OXR1: variants seen among roughly 807,000 people sequenced by gnomAD.
The protein encoded by OXR1 is oxidation resistance 1.
In OXR1, 41 loss-of-function variants were observed where a neutral mutation model predicts 104.6. The observed-to-expected ratio is 0.39, with a 90% CI of 0.31 to 0.51. The LOEUF is 0.51. Ranked by LOEUF, OXR1 falls within the 20% of genes least tolerant of loss-of-function variation. The pLI is 0.77. For synonymous variants in OXR1, 348 were observed against 348.4 expected, an observed-to-expected ratio of 1.00 and a Z score of 0.01; for missense variants, 955 against 1,031.9, an observed-to-expected ratio of 0.93 and a Z score of 1.02.
At chr8:106,608,999 C>G (rs915150221) in intron 3 of OXR1, among the ~76,000 whole-genome samples, 1 of 152,138 alleles carries the variant, frequency 6.6e-6, no homozygotes, top group African/African-American at 2.4e-5. Context: ...GTAGAATGAA[C>G]TTTGTTCCCC....
At chr8:106,512,272 G>T (rs1465510750) in intron 2 of OXR1, among the ~76,000 whole-genome samples, 2 of 152,098 alleles carry the variant, frequency 1.3e-5, no homozygotes, top group East Asian at 3.9e-4. Context: ...AGTCTTAAAT[G>T]CTATTCTGTT....
intron 1 of OXR1, among the ~76,000 whole-genome samples, chr8:106,329,963 CTT>C (rs1336626516): frequency 6.6e-6 from 1 of 151,894 alleles, no homozygotes; most frequent in Admixed American, 6.6e-5. Flanking sequence ...AAATACTAAA[CTT>C]TAAATGAATG....
At chr8:106,498,396 G>A (rs1426852265) in intron 2 of OXR1, among the ~76,000 whole-genome samples, 2 of 152,026 alleles carry the variant, frequency 1.3e-5, no homozygotes, top group Admixed American at 6.6e-5. Context: ...AATATATGGA[G>A]GGAAATATTA....
chr8:106,637,489 A>G (rs1204113257), intron 3 of OXR1, among the ~76,000 whole-genome samples: 1 of 152,202 alleles, frequency 6.6e-6, no homozygotes, highest in African/African-American at 2.4e-5. Flanking sequence ...GATGTTACAG[A>G]TAGTTCAAAG....
At chr8:106,425,556 T>C (rs1469713722) in intron 2 of OXR1, among the ~76,000 whole-genome samples, 1 of 152,202 alleles carries the variant, frequency 6.6e-6, no homozygotes, top group East Asian at 1.9e-4. Context: ...TTATTGGTCT[T>C]GTTTCTTTCA....
chr8:106,421,226 T>G lies in OXR1; in HGVS notation c.23+61590T>G, dbSNP rs189254854. Among the ~76,000 whole-genome samples, 31 of 152,234 alleles carry G rather than the reference T, an allele frequency of 2.0e-4. No homozygotes were observed. The East Asian group carries it at 5.8e-3, about 28-fold the overall frequency. On this transcript the variant is annotated intron_variant, in intron 2 of 16. Coordinates refer to ENST00000517566, the MANE Select transcript of OXR1 (RefSeq NM_001198533.2). ...CCACACACATTCTATAGAACACTAG[T>G]AAAGAATGCTGCTCTTCTCTAGACC... is the stretch of plus-strand genomic sequence containing the variant.
intron 1 of OXR1, among the ~76,000 whole-genome samples, chr8:106,290,862 A>C (rs1233605497): frequency 6.6e-6 from 1 of 152,210 alleles, no homozygotes; most frequent in Non-Finnish European, 1.5e-5. Flanking sequence ...AAATTAGTTC[A>C]GCCATAGTGG....
At chr8:106,603,842 C>G (rs1160141882) in intron 3 of OXR1, among the ~76,000 whole-genome samples, 1 of 152,072 alleles carries the variant, frequency 6.6e-6, no homozygotes, top group Non-Finnish European at 1.5e-5. Flanking sequence ...CACTTGAGGT[C>G]AGCAGTTCAA....
chr8:106,478,273 C>T (rs890428113), intron 2 of OXR1, among the ~76,000 whole-genome samples: 2 of 151,740 alleles, frequency 1.3e-5, no homozygotes, highest in African/African-American at 2.4e-5. Context: ...CATTATTTCA[C>T]AAAGCACACT....
chr8:106,690,565 A>G (rs1437629082), intron 6 of OXR1, among the ~76,000 whole-genome samples: 2 of 151,146 alleles, frequency 1.3e-5, no homozygotes, highest in African/African-American at 2.4e-5. Flanking sequence ...TGGGTAAATT[A>G]CTAGATGAGA....
At chr8:106,433,951 A>T (rs1819465952) in intron 2 of OXR1, among the ~76,000 whole-genome samples, 1 of 152,184 alleles carries the variant, frequency 6.6e-6, no homozygotes, top group Non-Finnish European at 1.5e-5. Flanking sequence ...TCATGATAAT[A>T]GTGATTGCGT....
chr8:106,645,643 T>C (rs1280649529), intron 3 of OXR1, among the ~76,000 whole-genome samples: 2 of 152,172 alleles, frequency 1.3e-5, no homozygotes, highest in East Asian at 1.9e-4. Context: ...TAGGTTTGAA[T>C]TTCTCTTCCT....
chr8:106,520,105 A>G (rs994608830), intron 3 of OXR1, among the ~76,000 whole-genome samples: 1 of 152,206 alleles, frequency 6.6e-6, no homozygotes, highest in East Asian at 1.9e-4. Context: ...CTGTGGCTTA[A>G]TGGGTTAACC....
intron 3 of OXR1, among the ~76,000 whole-genome samples, chr8:106,635,441 ATTTGTT>A (rs1028370787): frequency 3.3e-5 from 5 of 151,768 alleles, no homozygotes; most frequent in Admixed American, 6.6e-5. Context: ...GGAGAGGTGC[ATTTGTT>A]TTTGTTTTTG....
At chr8:106,343,630 A>G (rs1174337956) in intron 1 of OXR1, among the ~76,000 whole-genome samples, 2 of 152,192 alleles carry the variant, frequency 1.3e-5, no homozygotes, top group East Asian at 3.8e-4. Context: ...CAAAGGAATC[A>G]CCATTGCTAG....
At chr8:106,290,534 T>A (rs911842338) in intron 1 of OXR1, among the ~76,000 whole-genome samples, 1 of 152,074 alleles carries the variant, frequency 6.6e-6, no homozygotes, top group Non-Finnish European at 1.5e-5. Context: ...GAGAAAATAT[T>A]CACAAACTAA....
chr8:106,660,906 G>A (rs1345062603), intron 3 of OXR1, among the ~76,000 whole-genome samples: 4 of 152,018 alleles, frequency 2.6e-5, no homozygotes, highest in Non-Finnish European at 5.9e-5. Flanking sequence ...CCAGCTACCC[G>A]GGAGGCTGAG....
rs373142823 is a variant in OXR1 at position 106,750,869 on chromosome 8, G to T, written c.2550G>T (p.Thr850=). Reference sequence around the variant, plus strand: ...ATGGAAGAAGCCATTCTTGTAAAACGTTTGGGAATCGTACACTTTCTAAGA... The same window carrying T: ...ATGGAAGAAGCCATTCTTGTAAAACTTTTGGGAATCGTACACTTTCTAAGA... ...LYHGRSHSCK[T]FGNRTLSKKE... is the part of the protein sequence containing the mutation. The change falls in exon 17 of 17, where the codon ACG becomes ACT. Residue 850 remains threonine (T), a synonymous_variant. Coordinates refer to ENST00000517566, the MANE Select transcript of OXR1 (RefSeq NM_001198533.2). 3.1e-6 allele frequency: 5 copies of T among 1,608,798 alleles called. No individual in the cohort carries two copies.
intron 1 of OXR1, chr8:106,272,679 T>G (rs1277025002): frequency 6.6e-6 from 1 of 152,216 alleles, no homozygotes. Context: ...GCTGGCTGAG[T>G]TGCTAGTACG....
Sources: gnomAD v4.1 joint callset for allele counts (sites outside exome capture counted in the v4.1 genomes callset) on GRCh38, gnomAD v4.1.1 for gene constraint, MANE v1.5 for transcripts, NCBI Gene and HGNC (gene_info 2026-07-23, HGNC 2026-07-21) for gene names.